Variants in PDIA3 observed in about 807,000 individuals in gnomAD.
PDIA3 encodes the protein protein disulfide isomerase family A member 3.
In PDIA3, 16 loss-of-function variants were observed where a neutral mutation model predicts 56.9. The ratio of observed to expected loss-of-function variants is 0.28; its 90% CI spans 0.19 to 0.43. The LOEUF (loss-of-function observed/expected upper bound fraction) is 0.43, where lower values mean the gene tolerates loss of function less well. Ranked by LOEUF, PDIA3 falls within the 20% of genes least tolerant of loss-of-function variation. The pLI is 1.00. For synonymous variants in PDIA3, 192 were observed against 216.5 expected, an observed-to-expected ratio of 0.89 and a Z score of 0.99; for missense variants, 485 against 621.3, an observed-to-expected ratio of 0.78 and a Z score of 2.33.
Position 43,756,755 on chromosome 15 carries a change from C to CTAG in PDIA3, c.354_356dup (p.Pro118_Arg119insSer), listed in dbSNP as rs945518939. On this transcript the variant is annotated inframe_insertion, in exon 3 of 13. Transcript: ENST00000300289. ...GAAGAAGCAGGTGCTTATGATGGACCTAGGACTGCTGGTAAGGATCCTGAA... is the reference window on the plus strand; with the variant it reads ...GAAGAAGCAGGTGCTTATGATGGACCTAGTAGGACTGCTGGTAAGGATCCTGAA... 4 of 1,561,660 alleles carry CTAG rather than the reference C, an allele frequency of 2.6e-6. No homozygotes were observed. In the African/African-American group the frequency reaches 5.4e-5, roughly 21 times the overall value.
chr15:43,748,700 G>A (rs181219557), intron 1 of PDIA3, among the ~76,000 whole-genome samples: 1 of 151,978 alleles, frequency 6.6e-6, no homozygotes, highest in Non-Finnish European at 1.5e-5. Flanking sequence ...GCAATTTGGA[G>A]TTAAAGAAGT....
intron 5 of PDIA3, among the ~76,000 whole-genome samples, chr15:43,763,892 G>T (rs1395415064): frequency 6.6e-6 from 1 of 152,100 alleles, no homozygotes; most frequent in Non-Finnish European, 1.5e-5. Flanking sequence ...AGCACCAGGA[G>T]TGAAGGCCTT....
chr15:43,768,880 C>T (rs1223909748), intron 9 of PDIA3, among the ~76,000 whole-genome samples: 4 of 151,984 alleles, frequency 2.6e-5, no homozygotes, highest in Non-Finnish European at 5.9e-5. Flanking sequence ...AAAAATCAGC[C>T]GGGCATGGTG....
intron 2 of PDIA3, among the ~76,000 whole-genome samples, chr15:43,755,880 C>T (rs2086775620): frequency 6.6e-6 from 1 of 150,952 alleles, no homozygotes; most frequent in South Asian, 2.1e-4. Context: ...TGCCATTGCA[C>T]TCCAGCCTGG....
chr15:43,763,261 C>G, intron 5 of PDIA3, 55 bp downstream of exon 5: 1 of 1,572,690 alleles, frequency 6.4e-7, no homozygotes, highest in South Asian at 1.1e-5. Context: ...ACTGGTGATA[C>G]TGATTGACTG....
At chr15:43,766,984 A>C in intron 8 of PDIA3, 74 bp downstream of exon 8, 1 of 1,300,610 alleles carries the variant, frequency 7.7e-7, no homozygotes, top group Non-Finnish European at 1.1e-6. Context: ...ATTTCTAAAG[A>C]ACAATAACCC....
At chr15:43,763,304 G>T in intron 5 of PDIA3, 98 bp downstream of exon 5, 1 of 1,335,026 alleles carries the variant, frequency 7.5e-7, no homozygotes, top group Non-Finnish European at 1.0e-6. Context: ...CCAGGCTGGA[G>T]TGCAGTGGTG....
chr15:43,763,986 A>T (rs2086833228), intron 5 of PDIA3, among the ~76,000 whole-genome samples: 1 of 152,162 alleles, frequency 6.6e-6, no homozygotes, highest in East Asian at 1.9e-4. Context: ...GAAAGATAAG[A>T]TTGGAGTATT....
intron 1 of PDIA3, chr15:43,746,992 C>A (rs2086711271): frequency 7.7e-6 from 4 of 518,098 alleles, no homozygotes; most frequent in Non-Finnish European, 1.4e-5. Flanking sequence ...GCCACCCCTT[C>A]CCCCAGTCCA....
At position 43,771,314 on chromosome 15, in the gene PDIA3, T is replaced by C. The variant is rs2086880701; in HGVS notation, c.*96T>C. ...GGACCCATATGGGAATTATTACCTCTCAGGGCCGAGAGGACAGAATGGATA... is the reference window on the plus strand; with the variant it reads ...GGACCCATATGGGAATTATTACCTCCCAGGGCCGAGAGGACAGAATGGATA... On this transcript the variant is annotated 3_prime_UTR_variant, in exon 13 of 13. Coordinates refer to ENST00000300289, the MANE Select transcript of PDIA3 (RefSeq NM_005313.5). The C allele has an allele frequency of 4.1e-6, 3 of 730,448 alleles. No individual in the cohort carries two copies. Among genetic ancestry groups the C allele is most frequent in the Non-Finnish European group, 7.0e-6 (3 of 426,280 alleles). 45.2% of individuals were successfully genotyped at this position (730,448 alleles called of 1,614,324 possible).
intron 4 of PDIA3, among the ~76,000 whole-genome samples, chr15:43,761,734 G>A (rs182886083): frequency 1.3e-5 from 2 of 152,022 alleles, no homozygotes; most frequent in African/African-American, 4.8e-5. Flanking sequence ...TATAATGTGG[G>A]GGGCAATTGG....
At chr15:43,765,642 C>A in intron 6 of PDIA3, 76 bp downstream of exon 6, 1 of 1,025,446 alleles carries the variant, frequency 9.8e-7, no homozygotes, top group Non-Finnish European at 1.5e-6. Context: ...TTAAGCCGAG[C>A]TATATTTTGG....
intron 3 of PDIA3, among the ~76,000 whole-genome samples, chr15:43,757,354 C>T (rs915369165): frequency 3.8e-4 from 58 of 151,014 alleles, no homozygotes; most frequent in African/African-American, 1.4e-3. Context: ...GTCAGGAGAT[C>T]GAGACCATCC....
rs768322607 is a variant in PDIA3, at chr15:43,772,414, T to A, written c.*1196T>A. On this transcript the variant is annotated 3_prime_UTR_variant, in exon 13 of 13. Transcript: ENST00000300289. ...GTAGAGCCTTATAGTAAAGTATGTA[T>A]CTTGGTCACACACAAAGCTTGGAAA... 1 of 152,246 alleles carries A rather than the reference T, an allele frequency of 6.6e-6. No homozygotes were observed. Among genetic ancestry groups the A allele is most frequent in the Non-Finnish European group, 1.5e-5 (1 of 68,046 alleles). The allele number at this position is 152,246 out of a possible 1,614,324, so 9.4% of individuals were successfully genotyped here.
At chr15:43,749,212 G>T (rs1217363892) in intron 1 of PDIA3, among the ~76,000 whole-genome samples, 2 of 152,036 alleles carry the variant, frequency 1.3e-5, no homozygotes, top group East Asian at 3.9e-4. Flanking sequence ...TCCTGCCTCA[G>T]CCTCCTGAGT....
intron 3 of PDIA3, among the ~76,000 whole-genome samples, chr15:43,757,973 G>A (rs1446632389): frequency 2.6e-5 from 4 of 151,714 alleles, no homozygotes; most frequent in Admixed American, 1.3e-4. Flanking sequence ...GGCCGGGCGC[G>A]GTGGCTCACG....
rs1486336879 is a variant in PDIA3 at position 43,766,028 on chromosome 15, T to C, written c.845+16T>C. On this transcript the variant is annotated intron_variant, in intron 7 of 12. Coordinates refer to ENST00000300289, the MANE Select transcript of PDIA3 (RefSeq NM_005313.5). Reference sequence around the variant, plus strand: ...GGAGAAACAGGTAATAAGAATTATGTTTTTCCCTCATGAACAAGTTTACCC... The same window carrying C: ...GGAGAAACAGGTAATAAGAATTATGCTTTTCCCTCATGAACAAGTTTACCC... The C allele has an allele frequency of 6.2e-7, 1 of 1,611,888 alleles. No individual in the cohort carries two copies. The highest frequency in any genetic ancestry group is 8.5e-7 in the Non-Finnish European group (1 of 1,179,026).
chr15:43,766,965 C>T, intron 8 of PDIA3, 55 bp downstream of exon 8: 1 of 1,435,550 alleles, frequency 7.0e-7, no homozygotes, highest in South Asian at 1.2e-5. Context: ...GCCTTTTATA[C>T]TACAAAGGAT....
intron 2 of PDIA3, among the ~76,000 whole-genome samples, chr15:43,755,261 G>T (rs1380731539): frequency 1.3e-5 from 2 of 152,142 alleles, no homozygotes; most frequent in Non-Finnish European, 2.9e-5. Context: ...CAGGGGGGCG[G>T]AGGTTGCAGT....
Sources: gnomAD v4.1 joint callset for allele counts (sites outside exome capture counted in the v4.1 genomes callset) on GRCh38, gnomAD v4.1.1 for gene constraint, MANE v1.5 for transcripts, NCBI Gene and HGNC (gene_info 2026-07-23, HGNC 2026-07-21) for gene names.